NREP: variants seen among roughly 807,000 people sequenced by gnomAD.
The protein encoded by NREP is neuronal regeneration-related protein.
A neutral mutation model predicts 8.6 loss-of-function variants in NREP; 5 were observed. The ratio of observed to expected loss-of-function variants is 0.58; its 90% CI spans 0.30 to 1.22. NREP has a LOEUF of 1.22. Among genes scored for constraint, NREP ranks in the 50% most tolerant of loss-of-function variants. NREP has a pLI of 0.07. For missense variants in NREP, 86 were observed against 82.5 expected (o/e 1.04, Z -0.17); for synonymous variants, 27 against 28.0 (o/e 0.96, Z 0.11).
chr5:111,944,582 C>T (rs1273650273), intron 2 of NREP, among the ~76,000 whole-genome samples: 1 of 152,156 alleles, frequency 6.6e-6, no homozygotes, highest in Admixed American at 6.5e-5. Context: ...GCTGGGATTA[C>T]AGGCATGGGC....
intron 2 of NREP, chr5:111,974,412 A>G: frequency 6.6e-6 from 1 of 152,182 alleles, no homozygotes; most frequent in Admixed American, 6.6e-5. Context: ...AACGCATCAT[A>G]AACATATCTG....
At chr5:111,899,579 G>C (rs1454369353) in intron 2 of NREP, among the ~76,000 whole-genome samples, 1 of 152,052 alleles carries the variant, frequency 6.6e-6, no homozygotes, top group Non-Finnish European at 1.5e-5. Context: ...AACATAACAT[G>C]AGCAAGTCCT....
chr5:111,927,434 T>G (rs1755420462), intron 2 of NREP, among the ~76,000 whole-genome samples: 1 of 152,084 alleles, frequency 6.6e-6, no homozygotes, highest in Non-Finnish European at 1.5e-5. Flanking sequence ...ATTCTTGCCC[T>G]CTGAGATAAG....
At chr5:111,881,779 T>G (rs1754080525) in intron 2 of NREP, among the ~76,000 whole-genome samples, 1 of 152,088 alleles carries the variant, frequency 6.6e-6, no homozygotes, top group South Asian at 2.1e-4. Flanking sequence ...TCCTGTCTGT[T>G]AGAAGGAAAA....
chr5:111,854,806 G>A (rs1281715842), intron 2 of NREP, among the ~76,000 whole-genome samples: 2 of 152,056 alleles, frequency 1.3e-5, no homozygotes, highest in Non-Finnish European at 1.5e-5. Context: ...CCCTTTCCCA[G>A]AAATAACCAC....
intron 2 of NREP, among the ~76,000 whole-genome samples, chr5:111,749,629 G>C (rs1455710878): frequency 1.3e-5 from 2 of 152,162 alleles, no homozygotes; most frequent in African/African-American, 2.4e-5. Flanking sequence ...GAAATGGAAA[G>C]AGAAAAGCAG....
At chr5:111,962,593 G>C (rs1253291335) in intron 2 of NREP, among the ~76,000 whole-genome samples, 1 of 152,190 alleles carries the variant, frequency 6.6e-6, no homozygotes, top group Non-Finnish European at 1.5e-5. Flanking sequence ...CAAAAAGCTT[G>C]AAACCCGCAG....
At chr5:111,735,319 G>A in intron 3 of NREP, 111 bp downstream of exon 3, 1 of 639,246 alleles carries the variant, frequency 1.6e-6, no homozygotes, top group East Asian at 2.7e-5. Flanking sequence ...CAGATTAATG[G>A]ATTGTTATAG....
At chr5:111,810,870 G>A (rs1336421648) in intron 2 of NREP, among the ~76,000 whole-genome samples, 3 of 152,150 alleles carry the variant, frequency 2.0e-5, no homozygotes, top group Non-Finnish European at 2.9e-5. Context: ...AAGATTGAAT[G>A]TTAAGTAAAG....
chr5:111,812,285 T>TCAAA (rs139562751), intron 2 of NREP, among the ~76,000 whole-genome samples: 2,438 of 151,708 alleles, frequency 0.016, 22 homozygotes, highest in African/African-American at 0.033. Context: ...AGACCCTGTC[T>TCAAA]CAAACAAACA....
At chr5:111,808,250 C>T (rs1752188420) in intron 2 of NREP, among the ~76,000 whole-genome samples, 1 of 152,232 alleles carries the variant, frequency 6.6e-6, no homozygotes, top group South Asian at 2.1e-4. Flanking sequence ...CTCACACTTA[C>T]TCTAATTGCT....
chr5:111,763,755 T>G (rs953446350), intron 2 of NREP, among the ~76,000 whole-genome samples: 9 of 26,368 alleles, frequency 3.4e-4, no homozygotes, highest in Admixed American at 2.6e-3. Context: ...TACGTCTGTA[T>G]GTGTGTGTGT....
chr5:111,972,275 A>T (rs983482012), intron 2 of NREP, among the ~76,000 whole-genome samples: 8 of 152,228 alleles, frequency 5.3e-5, no homozygotes, highest in African/African-American at 1.7e-4. Context: ...GAACCACTGC[A>T]TACTGTTGAT....
chr5:111,943,719 G>A (rs1433809932), intron 2 of NREP, among the ~76,000 whole-genome samples: 1 of 152,104 alleles, frequency 6.6e-6, no homozygotes. Context: ...GGAGCTTAGA[G>A]GGCATCCTCT....
At chr5:111,898,121 T>C (rs543121311) in intron 2 of NREP, among the ~76,000 whole-genome samples, 1 of 151,882 alleles carries the variant, frequency 6.6e-6, no homozygotes, top group African/African-American at 2.4e-5. Context: ...CAGATGGAAA[T>C]AGAGCCACTG....
chr5:111,822,820 A>G (rs1752540038), intron 2 of NREP, among the ~76,000 whole-genome samples: 2 of 152,242 alleles, frequency 1.3e-5, no homozygotes, highest in African/African-American at 4.8e-5. Context: ...CACAGACTTT[A>G]AAATATTTGT....
intron 2 of NREP, among the ~76,000 whole-genome samples, chr5:111,830,894 G>A (rs953225003): frequency 5.9e-5 from 9 of 152,198 alleles, no homozygotes; most frequent in Non-Finnish European, 4.4e-5. Context: ...CTAATTTAAT[G>A]TACTATTATT....
intron 2 of NREP, among the ~76,000 whole-genome samples, chr5:111,897,797 T>A (rs748866527): frequency 6.6e-6 from 1 of 152,086 alleles, no homozygotes; most frequent in Non-Finnish European, 1.5e-5. Flanking sequence ...TTACTAATTT[T>A]AAAACTTATA....
Position 111,730,548 on chromosome 5 carries a change from G to GC in NREP, c.*372_*373insG. 5.9e-6 allele frequency: 1 copy of GC among 170,214 alleles called. No individual in the cohort carries two copies. The highest frequency in any genetic ancestry group is 2.4e-5 in the African/African-American group (1 of 41,910). 10.5% of individuals were successfully genotyped at this position (170,214 alleles called of 1,614,324 possible). ...TAAATGAAAAAAAAGGTGGGGGGGGGACTCTCAGCCTCTGCAAGAAGCAGT... is the reference window on the plus strand; with the variant it reads ...TAAATGAAAAAAAAGGTGGGGGGGGGCACTCTCAGCCTCTGCAAGAAGCAGT... On this transcript the variant is annotated 3_prime_UTR_variant, in exon 4 of 4. Coordinates refer to ENST00000257435, the MANE Select transcript of NREP (RefSeq NM_004772.4).
Sources: allele counts gnomAD v4.1 joint callset (sites outside exome capture counted in the v4.1 genomes callset), GRCh38; gene constraint gnomAD v4.1.1; transcripts MANE v1.5; gene names NCBI Gene and HGNC (gene_info 2026-07-23, HGNC 2026-07-21).